Variants in ACTN4 observed in about 807,000 individuals in gnomAD.
The protein encoded by ACTN4 is alpha-actinin-4.
ACTN4 carries 18 observed loss-of-function variants against 114.2 expected under a neutral mutation model. The ratio of observed to expected loss-of-function variants is 0.16; its 90% CI spans 0.11 to 0.23. ACTN4 has a LOEUF of 0.23. ACTN4 is among the 10% of genes least tolerant of loss of function. ACTN4 has a pLI of 1.00. For synonymous variants in ACTN4, 515 were observed against 506.3 expected (o/e 1.02, Z -0.23); for missense variants, 722 against 1,262.9 (o/e 0.57, Z 6.49).
intron 4 of ACTN4, 84 bp from the exon 5 acceptor site, chr19:38,705,960 T>G (rs1326744846): frequency 1.0e-5 from 15 of 1,431,538 alleles, no homozygotes. Context: ...ACCCCAGGCC[T>G]GAGCCGAAAG....
At chr19:38,667,399 G>A (rs1048352823) in intron 1 of ACTN4, among the ~76,000 whole-genome samples, 31 of 152,000 alleles carry the variant, frequency 2.0e-4, no homozygotes, top group African/African-American at 7.0e-4. Context: ...AAATCCTAGC[G>A]GGAGAAAAAT....
At chr19:38,701,536 A>G (rs952027511) in intron 3 of ACTN4, among the ~76,000 whole-genome samples, 3 of 152,162 alleles carry the variant, frequency 2.0e-5, no homozygotes, top group African/African-American at 7.2e-5. Flanking sequence ...GGTATCAGAG[A>G]AGGACTGGAG....
rs1216065997 is a variant in ACTN4 at position 38,727,478 on chromosome 19, G to A, written c.2337+375G>A. Among the ~76,000 whole-genome samples the A allele has an allele frequency of 6.6e-6, 1 of 152,142 alleles. No homozygotes were observed. The highest frequency in any genetic ancestry group is 1.5e-5 in the Non-Finnish European group (1 of 68,028). ...TTTGGTCCGGCAGCCTCATCAGAGGGGCCCTGAGCGCCAGAGTTTGCTGCC... is the reference window on the plus strand; with the variant it reads ...TTTGGTCCGGCAGCCTCATCAGAGGAGCCCTGAGCGCCAGAGTTTGCTGCC... On this transcript the variant is annotated intron_variant, in intron 18 of 20. Transcript: ENST00000252699. The surrounding 1 kb of genome is among the most constrained non-coding windows in gnomAD (Gnocchi z 5.4).
At chr19:38,686,830 C>T (rs533577432) in intron 1 of ACTN4, among the ~76,000 whole-genome samples, 4 of 152,254 alleles carry the variant, frequency 2.6e-5, no homozygotes, top group Admixed American at 6.5e-5. Flanking sequence ...GGGATGGCTC[C>T]GGAAGTCTGT....
chr19:38,709,305 G>A (rs1968563495), intron 6 of ACTN4, 90 bp from the exon 7 acceptor site: 1 of 977,940 alleles, frequency 1.0e-6, no homozygotes. Flanking sequence ...CGCCCTCCCG[G>A]GTCTCTCCCT....
intron 8 of ACTN4, among the ~76,000 whole-genome samples, chr19:38,711,836 G>A (rs986029682): frequency 5.9e-5 from 9 of 152,328 alleles, no homozygotes; most frequent in Admixed American, 5.9e-4. Flanking sequence ...CTGCACTCAC[G>A]GTCCCAGCCC....
At chr19:38,673,518 T>C (rs1360515536) in intron 1 of ACTN4, among the ~76,000 whole-genome samples, 5 of 54,190 alleles carry the variant, frequency 9.2e-5, no homozygotes, top group Non-Finnish European at 2.0e-4. Context: ...AATATATATT[T>C]ATATATATTC....
chr19:38,694,305 G>T (rs1389359026), intron 1 of ACTN4, among the ~76,000 whole-genome samples: 4 of 151,778 alleles, frequency 2.6e-5, no homozygotes, highest in Non-Finnish European at 5.9e-5. Flanking sequence ...TGTCTCCCAG[G>T]CTGGAGTGCA....
At chr19:38,720,033 C>T (rs62119116) in intron 11 of ACTN4, among the ~76,000 whole-genome samples, 8,613 of 152,316 alleles carry the variant, frequency 0.057, 262 homozygotes, top group South Asian at 0.096. Context: ...GCAGGCTGGC[C>T]TACTAATTCC....
intron 11 of ACTN4, 57 bp from the exon 12 acceptor site, chr19:38,721,481 A>G (rs1969038325): frequency 6.2e-7 from 1 of 1,608,214 alleles, no homozygotes; most frequent in Admixed American, 1.7e-5. Context: ...CAGCCCCTCC[A>G]GACTCCTGCC....
intron 1 of ACTN4, among the ~76,000 whole-genome samples, chr19:38,652,744 T>A (rs1294729108): frequency 6.6e-6 from 1 of 152,156 alleles, no homozygotes; most frequent in African/African-American, 2.4e-5. Flanking sequence ...AATATCCAAG[T>A]AGTGCTGGTG....
chr19:38,724,462 C>G lies in ACTN4; in HGVS notation c.1907C>G (p.Ala636Gly). 1 of 1,613,530 alleles carries G rather than the reference C, an allele frequency of 6.2e-7. No homozygotes were observed. The highest frequency in any genetic ancestry group is 8.5e-7 in the Non-Finnish European group (1 of 1,179,984). ...CAGCTGGTGCCAAAACGGGACCATG[C>G]CCTCCTGGAGGAGCAGAGCAAGCAG... ...VQQLVPKRDH[A>G]LLEEQSKQQS... Residue 636 changes from alanine (A) to glycine (G), a missense_variant, in exon 16 of 21, where the codon GCC (alanine) becomes GGC (glycine). Physicochemically the swap from Ala to Gly is moderately conservative, Grantham distance 60. Around this residue, in one of 3 missense-constraint regions of ACTN4, gnomAD observed 523 missense variants for 875.9 expected, o/e 0.60. Coordinates refer to ENST00000252699, the MANE Select transcript of ACTN4 (RefSeq NM_004924.6). This position sits in a 1 kb window ranked among gnomAD's most constrained non-coding sequence, Gnocchi z 7.0.
intron 19 of ACTN4, among the ~76,000 whole-genome samples, chr19:38,728,689 C>T (rs1969352488): frequency 6.6e-6 from 1 of 152,202 alleles, no homozygotes; most frequent in Admixed American, 6.5e-5. Flanking sequence ...CCAGAGCTTA[C>T]TCGTGAGCCT....
In ACTN4 at chr19:38,647,885, C is replaced by A; in HGVS notation, c.140C>A (p.Ala47Asp). The A allele has an allele frequency of 1.3e-6, 2 of 1,520,636 alleles. No individual in the cohort carries two copies. The highest frequency in any genetic ancestry group is 1.8e-6 in the Non-Finnish European group (2 of 1,133,012). The allele number at this position is 1,520,636 out of a possible 1,614,324, so 94.2% of individuals were successfully genotyped here. A position where few individuals can be genotyped will look rare whatever the true frequency, so the allele number is the denominator to read the frequency against. The stretch of plus-strand genomic sequence containing the variant: ...GACCGGGACCTGCTGCTGGACCCGG[C>A]CTGGGAGAAGCAGCAGCGCAAGGTG... The part of the protein sequence containing the change: ...DWDRDLLLDP[A>D]WEKQQRKTFT... Residue 47 changes from alanine to aspartate, a missense_variant, in exon 1 of 21, where the codon GCC (alanine) becomes GAC (aspartate). Physicochemically the swap from Ala to Asp is moderately radical, Grantham distance 126 (BLOSUM62 -2). This residue lies in a region of ACTN4 where 72 missense variants were observed against 75.6 expected (regional missense o/e 0.95). Coordinates refer to ENST00000252699, the MANE Select transcript of ACTN4 (RefSeq NM_004924.6).
At chr19:38,656,267 C>T (rs747204202) in intron 1 of ACTN4, among the ~76,000 whole-genome samples, 1 of 152,126 alleles carries the variant, frequency 6.6e-6, no homozygotes, top group Admixed American at 6.6e-5. Flanking sequence ...TGCACACCAC[C>T]ACGCCTGACT....
Position 38,647,716 on chromosome 19 carries a change from CAGG to C in ACTN4, c.-29_-27del. The stretch of plus-strand genomic sequence containing the variant: ...GGGCGGGAGCTGAGGCGGGAGCGGA[CAGG>C]CTGGTGGGCGAGCGAGAGGCGGCGG... On this transcript the variant is annotated 5_prime_UTR_variant, in exon 1 of 21. Transcript: ENST00000252699. 2 of 1,526,698 alleles carry C rather than the reference CAGG, an allele frequency of 1.3e-6. No individual in the cohort carries two copies. The highest frequency in any genetic ancestry group is 1.8e-6 in the Non-Finnish European group (2 of 1,137,648). 94.6% of individuals were successfully genotyped at this position (1,526,698 alleles called of 1,614,324 possible). A position where few individuals can be genotyped will look rare whatever the true frequency, so the allele number is the denominator to read the frequency against.
At chr19:38,728,433 T>TCCCCCCCC in intron 19 of ACTN4, 1 of 963,398 alleles carries the variant, frequency 1.0e-6, no homozygotes, top group Non-Finnish European at 1.4e-6. Flanking sequence ...CTCCTCCTCC[T>TCCCCCCCC]CCTCCTCCTC....
Position 38,717,287 on chromosome 19 carries a change from T to C in ACTN4, c.1114T>C (p.Phe372Leu). Residue 372 changes from phenylalanine (F) to leucine (L), a missense_variant, in exon 10 of 21, where the codon TTC (phenylalanine) becomes CTC (leucine). Around this residue, in one of 3 missense-constraint regions of ACTN4, gnomAD observed 523 missense variants for 875.9 expected, o/e 0.60. Coordinates refer to ENST00000252699, the MANE Select transcript of ACTN4 (RefSeq NM_004924.6). The surrounding 1 kb of genome is among the most constrained non-coding windows in gnomAD (Gnocchi z 4.0). ...GCTGCGCCTCAGCAACCGGCCCGCCTTCATGCCCTCCGAGGGCAAGATGGT... is the reference window on the plus strand; with the variant it reads ...GCTGCGCCTCAGCAACCGGCCCGCCCTCATGCCCTCCGAGGGCAAGATGGT... ...TKLRLSNRPA[F>L]MPSEGKMVSD... The C allele has an allele frequency of 6.2e-7, 1 of 1,612,988 alleles. No homozygotes were observed. Among genetic ancestry groups the C allele is most frequent in the Non-Finnish European group, 8.5e-7 (1 of 1,179,900 alleles).
chr19:38,730,667 GT>G lies in ACTN4; in HGVS notation c.*1237del, dbSNP rs1425470901. The G allele has an allele frequency of 3.0e-6, 2 of 675,774 alleles. No individual in the cohort carries two copies. The highest frequency in any genetic ancestry group is 3.6e-5 in the African/African-American group (2 of 56,140). 41.9% of individuals were successfully genotyped at this position (675,774 alleles called of 1,614,324 possible). A position where few individuals can be genotyped will look rare whatever the true frequency, so the allele number is the denominator to read the frequency against. On this transcript the variant is annotated 3_prime_UTR_variant, in exon 21 of 21. Coordinates refer to ENST00000252699, the MANE Select transcript of ACTN4 (RefSeq NM_004924.6). ...CATCTGCTCGAGAAGGGCTGTCGCT[GT>G]TCTTGTTTCTGAGTGAGGAGTACGC...
Sources: gnomAD v4.1 joint callset for allele counts (sites outside exome capture counted in the v4.1 genomes callset) on GRCh38, gnomAD v4.1.1 for gene constraint, gnomAD v4.1.1 regional missense constraint, Gnocchi (gnomAD v3.1) non-coding constraint, MANE v1.5 for transcripts, NCBI Gene and HGNC (gene_info 2026-07-23, HGNC 2026-07-21) for gene names.